The following NEK6 variants were observed in gnomAD, a reference collection of about 807,000 sequenced individuals.
NEK6 encodes serine/threonine-protein kinase Nek6.
In NEK6, 27 loss-of-function variants were observed where a neutral mutation model predicts 43.5. That is an observed-to-expected ratio of 0.62 (90% CI 0.46 to 0.86). The LOEUF (loss-of-function observed/expected upper bound fraction) is 0.86, where lower values mean the gene tolerates loss of function less well. Among genes scored for constraint, NEK6 ranks in the 40% least tolerant of loss-of-function variants. The probability of loss-of-function intolerance (pLI) is 0.00; values close to 1 mark genes in which losing one functional copy is unlikely to be tolerated. For synonymous variants in NEK6, 167 were observed against 164.1 expected, an observed-to-expected ratio of 1.02 and a Z score of -0.14; for missense variants, 318 against 414.4, an observed-to-expected ratio of 0.77 and a Z score of 2.02.
At chr9:124,350,522 AC>A (rs1281281102) in intron 9 of NEK6, among the ~76,000 whole-genome samples, 9 of 151,894 alleles carry the variant, frequency 5.9e-5, no homozygotes, top group African/African-American at 1.9e-4. Flanking sequence ...ACACACACAC[AC>A]ACACACACAA....
At chr9:124,293,998 G>A (rs1832555811) in intron 1 of NEK6, among the ~76,000 whole-genome samples, 1 of 152,218 alleles carries the variant, frequency 6.6e-6, no homozygotes. Context: ...GCAAGCTTGG[G>A]CTGTTCCTTT....
At chr9:124,267,361 G>A (rs904302655) in intron 1 of NEK6, among the ~76,000 whole-genome samples, 4 of 152,016 alleles carry the variant, frequency 2.6e-5, no homozygotes, top group Non-Finnish European at 4.4e-5. Flanking sequence ...AGGTCCGGTC[G>A]AGTCCGCCTG....
At chr9:124,304,478 A>G (rs1038709663) in intron 2 of NEK6, among the ~76,000 whole-genome samples, 4 of 152,226 alleles carry the variant, frequency 2.6e-5, no homozygotes, top group Admixed American at 6.5e-5. Flanking sequence ...CATCTATAAA[A>G]TGGGATAATA....
chr9:124,335,830 C>T (rs1228734778), intron 7 of NEK6, among the ~76,000 whole-genome samples: 2 of 152,220 alleles, frequency 1.3e-5, no homozygotes, highest in Admixed American at 1.3e-4. Flanking sequence ...AAAAACAAGG[C>T]CGGATGCAGT....
At chr9:124,340,582 C>G (rs775534116) in intron 8 of NEK6, among the ~76,000 whole-genome samples, 2 of 152,252 alleles carry the variant, frequency 1.3e-5, no homozygotes, top group Non-Finnish European at 2.9e-5. Context: ...GGAAACCCCC[C>G]CAGGCTGTTA....
intron 8 of NEK6, among the ~76,000 whole-genome samples, chr9:124,344,161 T>G (rs1360674375): frequency 6.6e-6 from 1 of 152,196 alleles, no homozygotes; most frequent in Non-Finnish European, 1.5e-5. Flanking sequence ...CCCTTCTCTC[T>G]CGGGCTCCCT....
At chr9:124,314,040 G>A (rs556765322) in intron 4 of NEK6, 55 bp downstream of exon 4, 114 of 1,526,650 alleles carry the variant, frequency 7.5e-5, no homozygotes, top group Middle Eastern at 1.9e-4. Context: ...TTCTGGGGCC[G>A]CGGCTGGGCC....
At chr9:124,339,481 C>G in intron 7 of NEK6, 90 bp from the exon 8 acceptor site, 1 of 860,944 alleles carries the variant, frequency 1.2e-6, no homozygotes, top group South Asian at 1.4e-5. Context: ...CTCTCCCCAG[C>G]TCCCGTGTGC....
intron 1 of NEK6, among the ~76,000 whole-genome samples, chr9:124,278,913 C>G (rs1831768954): frequency 6.6e-6 from 1 of 152,164 alleles, no homozygotes; most frequent in Admixed American, 6.5e-5. Context: ...GGTGGGGGGA[C>G]CAAGCACGAT....
intron 1 of NEK6, chr9:124,261,540 C>T: frequency 1.0e-6 from 1 of 985,420 alleles, no homozygotes; most frequent in Admixed American, 6.1e-5. Context: ...CCTTCACGGG[C>T]CTGACTCACA....
intron 1 of NEK6, among the ~76,000 whole-genome samples, chr9:124,274,482 A>G (rs1831576412): frequency 6.6e-6 from 1 of 152,232 alleles, no homozygotes; most frequent in Admixed American, 6.5e-5. Flanking sequence ...CACACAGCTC[A>G]TGAGCAGTAG....
intron 2 of NEK6, among the ~76,000 whole-genome samples, chr9:124,305,784 A>G (rs925116360): frequency 6.6e-6 from 1 of 152,184 alleles, no homozygotes; most frequent in Non-Finnish European, 1.5e-5. Context: ...GTTCTGCTAG[A>G]TAGATGATCA....
At chr9:124,330,822 T>C (rs1306809641) in intron 7 of NEK6, among the ~76,000 whole-genome samples, 1 of 152,104 alleles carries the variant, frequency 6.6e-6, no homozygotes, top group Non-Finnish European at 1.5e-5. Flanking sequence ...AGGGCAGGCG[T>C]GGGGCTCTGT....
chr9:124,322,345 C>G (rs971893946), intron 5 of NEK6, among the ~76,000 whole-genome samples: 16 of 152,300 alleles, frequency 1.1e-4, no homozygotes, highest in South Asian at 2.1e-4. Context: ...CTGCCTCATC[C>G]CACCACCCAG....
chr9:124,319,304 G>GTT (rs369217846), intron 4 of NEK6, among the ~76,000 whole-genome samples: 1 of 148,438 alleles, frequency 6.7e-6, no homozygotes. Flanking sequence ...ACTTTTTAAT[G>GTT]TTTTGTTTTT....
chr9:124,339,605 C>A lies in NEK6; in HGVS notation c.657C>A (p.Ile219=). ...GTPYYMSPER[I]HENGYNFKSD... ...CCTACTACATGTCACCGGAGAGGAT[C>A]CATGAGAACGGCTACAACTTCAAGT... Residue 219 remains isoleucine (I), a synonymous_variant, in exon 8 of 10, where the codon ATC becomes ATA. Coordinates refer to ENST00000320246, the MANE Select transcript of NEK6 (RefSeq NM_014397.6). The A allele has an allele frequency of 6.2e-7, 1 of 1,614,098 alleles. No homozygotes were observed. The highest frequency in any genetic ancestry group is 8.5e-7 in the Non-Finnish European group (1 of 1,179,964).
chr9:124,307,279 G>A (rs1265645685), intron 2 of NEK6, among the ~76,000 whole-genome samples: 1 of 152,120 alleles, frequency 6.6e-6, no homozygotes, highest in Non-Finnish European at 1.5e-5. Context: ...TGGGTGGGGG[G>A]TAGCTATAGT....
chr9:124,292,842 G>A (rs1352153247), intron 1 of NEK6: 1 of 1,439,246 alleles, frequency 6.9e-7, no homozygotes, highest in East Asian at 2.6e-5. Flanking sequence ...ACATTTCCAT[G>A]TTCAAGGAGA....
chr9:124,282,269 G>A (rs1423718745), intron 1 of NEK6, among the ~76,000 whole-genome samples: 5 of 151,888 alleles, frequency 3.3e-5, no homozygotes, highest in African/African-American at 9.7e-5. Context: ...TCCTTGTTCC[G>A]TGTTCCGTGG....
Sources: gnomAD v4.1 joint callset for allele counts (sites outside exome capture counted in the v4.1 genomes callset) on GRCh38, gnomAD v4.1.1 for gene constraint, MANE v1.5 for transcripts, NCBI Gene and HGNC (gene_info 2026-07-23, HGNC 2026-07-21) for gene names.